The following GALNT13 variants were observed in gnomAD, a reference collection of about 807,000 sequenced individuals.
GALNT13 encodes the protein UDP-GalNAc:polypeptide N-acetylgalactosaminyltransferase 13.
Under a neutral mutation model 64.2 loss-of-function variants are expected in GALNT13, and 28 were observed. The ratio of observed to expected loss-of-function variants is 0.44; its 90% CI spans 0.32 to 0.60. The LOEUF is 0.60. Ranked by LOEUF, GALNT13 falls within the 20% of genes least tolerant of loss-of-function variation. The pLI, the probability that GALNT13 is intolerant of heterozygous loss-of-function variation, is 0.05. For missense variants in GALNT13, 577 were observed against 669.8 expected (o/e 0.86, Z 1.53); for synonymous variants, 214 against 224.6 (o/e 0.95, Z 0.42).
chr2:153,904,823 C>T (rs1338683612), intron 2 of GALNT13, among the ~76,000 whole-genome samples: 1 of 151,640 alleles, frequency 6.6e-6, no homozygotes, highest in African/African-American at 2.4e-5. Flanking sequence ...TATATCTTTC[C>T]ACTTGCCTTC....
intron 2 of GALNT13, among the ~76,000 whole-genome samples, chr2:153,934,783 A>G (rs574120573): frequency 6.6e-6 from 1 of 152,180 alleles, no homozygotes; most frequent in Admixed American, 6.6e-5. Context: ...CTACTATTTT[A>G]TAATAAACAT....
chr2:154,235,478 C>T (rs543707324), intron 4 of GALNT13, among the ~76,000 whole-genome samples: 6 of 152,012 alleles, frequency 3.9e-5, no homozygotes, highest in African/African-American at 1.2e-4. Flanking sequence ...CATGGGAGAA[C>T]GATGAAATTT....
chr2:153,145,233 T>A, the GALNT13 span, among the ~76,000 whole-genome samples: 1 of 151,924 alleles, frequency 6.6e-6, no homozygotes, highest in African/African-American at 2.4e-5. Context: ...AAAGGTAGGA[T>A]GCAATAGTTC....
At chr2:153,652,242 A>C in the GALNT13 span, among the ~76,000 whole-genome samples, 1 of 152,188 alleles carries the variant, frequency 6.6e-6, no homozygotes, top group Admixed American at 6.6e-5. Context: ...CATTCAGATA[A>C]TATTTGAACC....
At chr2:153,914,718 AC>A (rs939180174) in intron 2 of GALNT13, among the ~76,000 whole-genome samples, 8 of 151,444 alleles carry the variant, frequency 5.3e-5, no homozygotes, top group Non-Finnish European at 1.0e-4. Context: ...ATATTATTCC[AC>A]CCCCCAACCC....
At chr2:153,748,087 T>C in the GALNT13 span, among the ~76,000 whole-genome samples, 1 of 152,186 alleles carries the variant, frequency 6.6e-6, no homozygotes, top group Admixed American at 6.6e-5. Flanking sequence ...GTTTTTGCCA[T>C]TAAAAGTAAT....
chr2:154,121,950 CTT>C (rs1681968492), intron 3 of GALNT13, among the ~76,000 whole-genome samples: 2 of 151,940 alleles, frequency 1.3e-5, no homozygotes, highest in Admixed American at 1.3e-4. Context: ...ACCTTCTAGT[CTT>C]TTAATGTTCA....
chr2:153,965,761 A>G (rs1189837089), intron 3 of GALNT13, among the ~76,000 whole-genome samples: 2 of 151,402 alleles, frequency 1.3e-5, no homozygotes, highest in African/African-American at 4.8e-5. Context: ...TAAAGCAATG[A>G]CAACTTTTCT....
At chr2:154,189,422 A>G (rs1484523220) in intron 4 of GALNT13, among the ~76,000 whole-genome samples, 2 of 148,162 alleles carry the variant, frequency 1.3e-5, no homozygotes, top group Non-Finnish European at 3.0e-5. Flanking sequence ...TGGCCTTATG[A>G]GAAGAGGCAC....
At chr2:154,216,204 C>T (rs943938921) in intron 4 of GALNT13, among the ~76,000 whole-genome samples, 2 of 152,044 alleles carry the variant, frequency 1.3e-5, no homozygotes, top group African/African-American at 4.8e-5. Context: ...TTTGAAAACT[C>T]CCCAGGAAGA....
At chr2:153,890,563 A>G (rs1687482291) in intron 1 of GALNT13, among the ~76,000 whole-genome samples, 1 of 152,058 alleles carries the variant, frequency 6.6e-6, no homozygotes, top group Non-Finnish European at 1.5e-5. Context: ...CCTTCTATTT[A>G]TTAGAAATGG....
At chr2:153,755,851 C>T in the GALNT13 span, among the ~76,000 whole-genome samples, 1 of 152,218 alleles carries the variant, frequency 6.6e-6, no homozygotes, top group African/African-American at 2.4e-5. Flanking sequence ...ATCTTTATCT[C>T]GAACATACCC....
the GALNT13 span, among the ~76,000 whole-genome samples, chr2:153,818,090 C>T: frequency 1.3e-5 from 2 of 150,360 alleles, no homozygotes; most frequent in East Asian, 1.9e-4. Context: ...CACTCAGAAC[C>T]GGCATGGAAC....
At position 154,258,997 on chromosome 2, in the gene GALNT13, T is replaced by C. The variant is rs771657934; in HGVS notation, c.858-24T>C. 10 of 1,207,136 alleles carry C rather than the reference T, an allele frequency of 8.3e-6. No individual in the cohort carries two copies. The East Asian group carries it at 2.1e-4, about 25-fold the overall frequency. The allele number at this position is 1,207,136 out of a possible 1,614,324, so 74.8% of individuals were successfully genotyped here. On this transcript the variant is annotated intron_variant, in intron 7 of 12. Transcript: ENST00000392825. ...TACATTGTTTTCAAAAGATATTCTT[T>C]TCTTTTTGTTTTTTTTCAACTAGGA...
the GALNT13 span, among the ~76,000 whole-genome samples, chr2:153,677,284 T>TACACACACACACACACAC: frequency 1.1e-4 from 16 of 144,764 alleles, no homozygotes; most frequent in African/African-American, 3.6e-4. Flanking sequence ...ACAATAGACA[T>TACACACACACACACACAC]ACACACACAC....
chr2:153,686,565 A>G, the GALNT13 span, among the ~76,000 whole-genome samples: 1 of 152,024 alleles, frequency 6.6e-6, no homozygotes, highest in South Asian at 2.1e-4. Context: ...TTTTCTAGAT[A>G]TAGGAACACG....
intron 3 of GALNT13, among the ~76,000 whole-genome samples, chr2:153,968,575 C>T (rs1693534850): frequency 6.6e-6 from 1 of 152,180 alleles, no homozygotes; most frequent in African/African-American, 2.4e-5. Flanking sequence ...TATGAATGTG[C>T]TTCCTTGCAT....
chr2:153,739,924 T>G, the GALNT13 span, among the ~76,000 whole-genome samples: 1 of 151,798 alleles, frequency 6.6e-6, no homozygotes, highest in Admixed American at 6.6e-5. Flanking sequence ...TATTAAATAT[T>G]TAATAGAACT....
the GALNT13 span, among the ~76,000 whole-genome samples, chr2:153,373,957 G>A: frequency 2.0e-5 from 3 of 151,864 alleles, no homozygotes; most frequent in Non-Finnish European, 4.4e-5. Context: ...TCTTTTTTAC[G>A]GTTGAATAAT....
Sources: allele counts gnomAD v4.1 joint callset (sites outside exome capture counted in the v4.1 genomes callset), GRCh38; gene constraint gnomAD v4.1.1; transcripts MANE v1.5; gene names NCBI Gene and HGNC (gene_info 2026-07-23, HGNC 2026-07-21).